Variants in PAXBP1 observed in about 807,000 individuals in gnomAD.
PAXBP1 encodes PAX3- and PAX7-binding protein 1.
A neutral mutation model predicts 119.9 loss-of-function variants in PAXBP1; 44 were observed. That is an observed-to-expected ratio of 0.37 (90% CI 0.29 to 0.47). PAXBP1 has a LOEUF of 0.47. PAXBP1 is among the 20% of genes least tolerant of loss of function. The probability of loss-of-function intolerance (pLI) is 0.99; values close to 1 mark genes in which losing one functional copy is unlikely to be tolerated. For missense variants in PAXBP1, 898 were observed against 1,134.1 expected, an observed-to-expected ratio of 0.79 and a Z score of 2.99; for synonymous variants, 393 against 406.6, an observed-to-expected ratio of 0.97 and a Z score of 0.40.
chr21:32,753,180 T>C (rs2043984299), intron 8 of PAXBP1, among the ~76,000 whole-genome samples: 1 of 151,706 alleles, frequency 6.6e-6, no homozygotes, highest in South Asian at 2.1e-4. Flanking sequence ...ATTATACGGC[T>C]GGGCACGGTG....
intron 2 of PAXBP1, among the ~76,000 whole-genome samples, chr21:32,765,440 G>A (rs1569168038): frequency 6.6e-6 from 1 of 152,142 alleles, no homozygotes; most frequent in Non-Finnish European, 1.5e-5. Flanking sequence ...AAATCGAAGT[G>A]CTTCACCTTG....
chr21:32,754,868 G>T (rs575159739), intron 8 of PAXBP1, among the ~76,000 whole-genome samples: 1 of 152,034 alleles, frequency 6.6e-6, no homozygotes, highest in Non-Finnish European at 1.5e-5. Flanking sequence ...GCATTTATTT[G>T]TATTGGTGTT....
chr21:32,736,774 T>C (rs1250967224), intron 17 of PAXBP1, among the ~76,000 whole-genome samples: 1 of 152,308 alleles, frequency 6.6e-6, no homozygotes, highest in Non-Finnish European at 1.5e-5. Flanking sequence ...CATAAATTAA[T>C]GTCCACAGAA....
chr21:32,755,810 C>CATA, intron 7 of PAXBP1: 1 of 161,388 alleles, frequency 6.2e-6, no homozygotes, highest in Non-Finnish European at 1.3e-5. Flanking sequence ...TAGGTAAGAA[C>CATA]AAGAGTCTGC....
intron 13 of PAXBP1, among the ~76,000 whole-genome samples, chr21:32,743,979 C>G (rs1373467634): frequency 6.6e-6 from 1 of 152,092 alleles, no homozygotes; most frequent in Non-Finnish European, 1.5e-5. Flanking sequence ...ATTCCTTAGT[C>G]TACATAAAGA....
At chr21:32,738,110 A>T in intron 16 of PAXBP1, 63 bp downstream of exon 16, 1 of 1,446,302 alleles carries the variant, frequency 6.9e-7, no homozygotes, top group Non-Finnish European at 9.2e-7. Flanking sequence ...CTCTTCAAAC[A>T]AACAAAAACT....
intron 7 of PAXBP1, 89 bp downstream of exon 7, chr21:32,758,987 ACTTT>A (rs1317793259): frequency 8.1e-7 from 1 of 1,230,786 alleles, no homozygotes; most frequent in Non-Finnish European, 1.1e-6. Flanking sequence ...TTCAGTGGGT[ACTTT>A]CTGAGAATTA....
chr21:32,755,397 G>A (rs776442044), intron 7 of PAXBP1, 44 bp from the exon 8 acceptor site: 24 of 1,588,172 alleles, frequency 1.5e-5, no homozygotes, highest in South Asian at 5.8e-5. Flanking sequence ...CTCCTCAGCT[G>A]CTTATTTATT....
At chr21:32,770,267 A>G (rs1026247683) in intron 1 of PAXBP1, among the ~76,000 whole-genome samples, 4 of 152,188 alleles carry the variant, frequency 2.6e-5, no homozygotes, top group Admixed American at 2.6e-4. Context: ...CACATCACCA[A>G]GTTATTAACG....
rs750454132 is a variant in PAXBP1, at chr21:32,738,266, T to C, written c.2388A>G (p.Gln796=). 3 of 1,600,862 alleles carry C rather than the reference T, an allele frequency of 1.9e-6. 1 individual carries two copies. Among genetic ancestry groups the C allele is most frequent in the Non-Finnish European group, 2.5e-6 (3 of 1,176,748 alleles). ...WYGIFSNKTL[Q]ELSIDGLLNR... The stretch of plus-strand genomic sequence containing the variant: ...TTAATAAACCATCTATTGATAACTC[T>C]TGCAGAGTTTTATTTGAGAAAATGC... Residue 796 remains glutamine (Q), a synonymous_variant, in exon 16 of 18, where the codon CAA becomes CAG. Coordinates refer to ENST00000331923, the MANE Select transcript of PAXBP1 (RefSeq NM_016631.4).
intron 13 of PAXBP1, among the ~76,000 whole-genome samples, chr21:32,744,264 A>G (rs1189212005): frequency 1.3e-5 from 2 of 151,110 alleles, no homozygotes; most frequent in Admixed American, 1.3e-4. Context: ...ATGAGCTAAA[A>G]AAAAAAAAAA....
At chr21:32,740,977 C>G (rs1022601924) in intron 15 of PAXBP1, among the ~76,000 whole-genome samples, 6 of 152,222 alleles carry the variant, frequency 3.9e-5, no homozygotes, top group Non-Finnish European at 7.4e-5. Context: ...CACATGAAAA[C>G]GTCCTCAACA....
At position 32,761,201 on chromosome 21, in the gene PAXBP1, A is replaced by G. The variant is rs187286538; in HGVS notation, c.872-39T>C. ...CAACAAAGAAAAGTAAGTAACACCC[A>G]AAGAGCAAAGAGGTAAAAGATGCTG... On this transcript the variant is annotated intron_variant, in intron 4 of 17. Transcript: ENST00000331923. 4 of 1,470,490 alleles carry G rather than the reference A, an allele frequency of 2.7e-6. No homozygotes were observed. The African/African-American group carries it at 4.2e-5, about 15-fold the overall frequency. The allele number at this position is 1,470,490 out of a possible 1,614,324, so 91.1% of individuals were successfully genotyped here.
chr21:32,762,076 A>G lies in PAXBP1; in HGVS notation c.871+20T>C, dbSNP rs1026920985. ...AAAAAGGCAATGCAATAGGCTTACT[A>G]TTCAATTAAATCAAGTTACCTATTT... On this transcript the variant is annotated intron_variant, in intron 4 of 17. Transcript: ENST00000331923. 6 of 1,613,160 alleles carry G rather than the reference A, an allele frequency of 3.7e-6. No individual in the cohort carries two copies. The African/African-American group carries it at 5.3e-5, about 14-fold the overall frequency.
chr21:32,749,463 G>C (rs999271518), intron 10 of PAXBP1, among the ~76,000 whole-genome samples: 1 of 152,014 alleles, frequency 6.6e-6, no homozygotes, highest in Non-Finnish European at 1.5e-5. Context: ...CAAAGTGCTG[G>C]GATTACAGGT....
At chr21:32,769,677 A>G in intron 2 of PAXBP1, 137 bp downstream of exon 2, 1 of 743,712 alleles carries the variant, frequency 1.3e-6, no homozygotes, top group Non-Finnish European at 2.1e-6. Flanking sequence ...TAAATAACAG[A>G]ACTGTACTGC....
intron 15 of PAXBP1, among the ~76,000 whole-genome samples, chr21:32,739,315 T>A (rs1300607496): frequency 6.6e-6 from 1 of 152,210 alleles, no homozygotes; most frequent in African/African-American, 2.4e-5. Flanking sequence ...CTGAGTTTGA[T>A]TCCCATCTCT....
intron 2 of PAXBP1, among the ~76,000 whole-genome samples, chr21:32,766,496 C>T (rs1338136349): frequency 1.3e-5 from 2 of 152,186 alleles, no homozygotes; most frequent in Non-Finnish European, 2.9e-5. Context: ...TCCCTCTCCT[C>T]TTCTACAAAG....
At chr21:32,739,938 T>TA (rs756477858) in intron 15 of PAXBP1, among the ~76,000 whole-genome samples, 8,083 of 46,850 alleles carry the variant, frequency 0.17, 1,571 homozygotes, top group African/African-American at 0.26. Flanking sequence ...CTCGTCTCTT[T>TA]AAAAAAAAAA....
Sources: gnomAD v4.1 joint callset for allele counts (sites outside exome capture counted in the v4.1 genomes callset) on GRCh38, gnomAD v4.1.1 for gene constraint, MANE v1.5 for transcripts, NCBI Gene and HGNC (gene_info 2026-07-23, HGNC 2026-07-21) for gene names.